MTRFR: variants seen among roughly 807,000 people sequenced by gnomAD.
The protein encoded by MTRFR is probable peptide chain release factor C12orf65, mitochondrial.
In MTRFR, 10 loss-of-function variants were observed where a neutral mutation model predicts 11.9. The ratio of observed to expected loss-of-function variants is 0.84; its 90% CI spans 0.52 to 1.42. MTRFR has a LOEUF of 1.42. MTRFR is among the 40% of genes most tolerant of loss of function. MTRFR has a pLI of 0.00. For synonymous variants in MTRFR, 77 were observed against 79.1 expected, an observed-to-expected ratio of 0.97 and a Z score of 0.14; for missense variants, 196 against 197.9, an observed-to-expected ratio of 0.99 and a Z score of 0.06.
chr12:123,256,554 G>C (rs751778672), intron 2 of MTRFR, among the ~76,000 whole-genome samples: 3 of 152,130 alleles, frequency 2.0e-5, no homozygotes, highest in Non-Finnish European at 4.4e-5. Context: ...AAATTAACTG[G>C]GTATGGTGGC....
At chr12:123,241,622 G>C (rs964396914) in intron 1 of MTRFR, among the ~76,000 whole-genome samples, 1 of 152,030 alleles carries the variant, frequency 6.6e-6, no homozygotes, top group Non-Finnish European at 1.5e-5. Flanking sequence ...TTACAGGCAC[G>C]AACCACCATG....
intron 2 of MTRFR, among the ~76,000 whole-genome samples, chr12:123,255,279 C>A (rs1163631259): frequency 6.6e-6 from 1 of 152,168 alleles, no homozygotes; most frequent in East Asian, 1.9e-4. Context: ...CACTTCACTG[C>A]TGGGTTTCTG....
intron 1 of MTRFR, among the ~76,000 whole-genome samples, chr12:123,234,139 G>A (rs993128551): frequency 6.6e-6 from 1 of 152,006 alleles, no homozygotes; most frequent in Admixed American, 6.6e-5. Flanking sequence ...CCTCCCCGTG[G>A]GACCCCAGCC....
Position 123,243,335 on chromosome 12 carries a change from C to T in MTRFR, c.-29+9804C>T, listed in dbSNP as rs901879927. On this transcript the variant is annotated intron_variant, in intron 1 of 2. Transcript: ENST00000253233. Reference sequence around the variant, plus strand: ...CACGAGGTCAGGAAATCGAGAACAGCCTGGCTAACATGGCAAAACCCCGTC... The same window carrying T: ...CACGAGGTCAGGAAATCGAGAACAGTCTGGCTAACATGGCAAAACCCCGTC... Among the ~76,000 whole-genome samples, 99 of 151,902 alleles carry T rather than the reference C, an allele frequency of 6.5e-4. 1 individual carries two copies. The highest frequency in any genetic ancestry group is 2.3e-3 in the African/African-American group (97 of 41,416).
chr12:123,253,069 AATT>A (rs2048134338), intron 1 of MTRFR, among the ~76,000 whole-genome samples: 2 of 42,812 alleles, frequency 4.7e-5, no homozygotes, highest in Admixed American at 3.5e-4. Flanking sequence ...CGTTCCTTTG[AATT>A]TTTTTTTTTT....
At position 123,243,529 on chromosome 12, in the gene MTRFR, CAAA is replaced by C. The variant is rs55817401; in HGVS notation, c.-29+10014_-29+10016del. ...TGGGCGACAGAGCGAGACTCCGTCT[CAAA>C]AAAAAAAAAAAAAAATACAAAAATT... is the stretch of plus-strand genomic sequence containing the variant. On this transcript the variant is annotated intron_variant, in intron 1 of 2. Coordinates refer to ENST00000253233, the MANE Select transcript of MTRFR (RefSeq NM_152269.5). Among the ~76,000 whole-genome samples the C allele has an allele frequency of 8.1e-3, 953 of 117,748 alleles. 12 individuals are homozygous for C. The highest frequency in any genetic ancestry group is 0.03 in the African/African-American group (859 of 28,238). The allele number at this position is 117,748 out of a possible 152,430, so 77.2% of individuals were successfully genotyped here.
In MTRFR at chr12:123,233,455, C is replaced by T. The variant is rs552684339; in HGVS notation, c.-105C>T. On this transcript the variant is annotated 5_prime_UTR_variant, in exon 1 of 3. Transcript: ENST00000253233. ...TACGGCGCGTGCGCAGATCAGGGATCGCGATTGCGAATCCTCCGCTGAGGT... is the reference window on the plus strand; with the variant it reads ...TACGGCGCGTGCGCAGATCAGGGATTGCGATTGCGAATCCTCCGCTGAGGT... 6.6e-6 allele frequency: 1 copy of T among 152,294 alleles called. No homozygotes were observed. Among genetic ancestry groups the T allele is most frequent in the African/African-American group, 2.4e-5 (1 of 41,466 alleles). 9.4% of individuals were successfully genotyped at this position (152,294 alleles called of 1,614,324 possible). A position where few individuals can be genotyped will look rare whatever the true frequency, so the allele number is the denominator to read the frequency against.
At chr12:123,248,296 A>C (rs2048069396) in intron 1 of MTRFR, 1 of 152,208 alleles carries the variant, frequency 6.6e-6, no homozygotes, top group Admixed American at 6.5e-5. Flanking sequence ...TAGGACCCCA[A>C]TCCCTTCTAG....
chr12:123,253,267 TG>T (rs1452516559), intron 1 of MTRFR: 2 of 279,752 alleles, frequency 7.1e-6, no homozygotes, highest in Non-Finnish European at 1.4e-5. Context: ...CTTGAACTCC[TG>T]ACCTTGTGAT....
intron 2 of MTRFR, among the ~76,000 whole-genome samples, chr12:123,256,203 A>G (rs2138798466): frequency 6.6e-6 from 1 of 152,352 alleles, no homozygotes; most frequent in African/African-American, 2.4e-5. Context: ...ATGCTTATGA[A>G]TGGTGCACAC....
At chr12:123,253,527 C>A (rs1031150196) in intron 1 of MTRFR, 120 bp from the exon 2 acceptor site, 3 of 954,756 alleles carry the variant, frequency 3.1e-6, no homozygotes, top group Non-Finnish European at 4.9e-6. Flanking sequence ...TTCCTAAATT[C>A]CCTCGGTAAC....
At chr12:123,247,999 G>A (rs2138778250) in intron 1 of MTRFR, among the ~76,000 whole-genome samples, 1 of 151,924 alleles carries the variant, frequency 6.6e-6, no homozygotes, top group East Asian at 1.9e-4. Flanking sequence ...GCTCTTTGTT[G>A]CCTGTGTACT....
At chr12:123,248,624 C>G (rs994560008) in intron 1 of MTRFR, 1 of 152,254 alleles carries the variant, frequency 6.6e-6, no homozygotes, top group Non-Finnish European at 1.5e-5. Flanking sequence ...GTGAGTGTTG[C>G]AGCTCTTAAA....
Position 123,257,101 on chromosome 12 carries a change from A to G in MTRFR, c.*70A>G. 1 of 1,162,560 alleles carries G rather than the reference A, an allele frequency of 8.6e-7. No individual in the cohort carries two copies. The highest frequency in any genetic ancestry group is 1.5e-5 in the African/African-American group (1 of 64,796). 72.0% of individuals were successfully genotyped at this position (1,162,560 alleles called of 1,614,324 possible). On this transcript the variant is annotated 3_prime_UTR_variant, in exon 3 of 3. Transcript: ENST00000253233. ...CCAGGGAATAATGGTGGCGAGTTCC[A>G]TCACCAGCATTATTATAGTGCTTCA...
chr12:123,239,074 G>A (rs775281751), intron 1 of MTRFR, among the ~76,000 whole-genome samples: 32 of 152,168 alleles, frequency 2.1e-4, no homozygotes, highest in Non-Finnish European at 4.0e-4. Flanking sequence ...TTCCAGACCA[G>A]CCACAGCAAC....
chr12:123,252,260 C>T (rs1001959246), intron 1 of MTRFR: 1 of 152,052 alleles, frequency 6.6e-6, no homozygotes, highest in African/African-American at 2.4e-5. Flanking sequence ...TATGGCGAAA[C>T]CCCATCTCTA....
rs537693587 is a variant in MTRFR at position 123,257,290 on chromosome 12, G to C, written c.*259G>C. On this transcript the variant is annotated 3_prime_UTR_variant, in exon 3 of 3. Transcript: ENST00000253233. ...AGCACTTTGGGAGGCCGAGGCGGGC[G>C]GATCACTTGAGGTCAGGAGTTTGAG... is the stretch of plus-strand genomic sequence containing the variant. 5.0e-6 allele frequency: 2 copies of C among 398,310 alleles called. No individual in the cohort carries two copies. Among genetic ancestry groups the C allele is most frequent in the African/African-American group, 4.1e-5 (2 of 48,702 alleles). 24.7% of individuals were successfully genotyped at this position (398,310 alleles called of 1,614,324 possible).
intron 1 of MTRFR, among the ~76,000 whole-genome samples, chr12:123,236,369 G>A (rs1173432104): frequency 2.6e-5 from 4 of 152,062 alleles, no homozygotes; most frequent in Non-Finnish European, 1.5e-5. Context: ...TGAGGCAGGA[G>A]GATTGCTTGA....
chr12:123,235,994 G>A (rs1199718383), intron 1 of MTRFR, among the ~76,000 whole-genome samples: 1 of 152,002 alleles, frequency 6.6e-6, no homozygotes, highest in Admixed American at 6.6e-5. Flanking sequence ...AACCCGGGAG[G>A]CAAAGGTTGT....
Sources: gnomAD v4.1 joint callset for allele counts (sites outside exome capture counted in the v4.1 genomes callset) on GRCh38, gnomAD v4.1.1 for gene constraint, MANE v1.5 for transcripts, NCBI Gene and HGNC (gene_info 2026-07-23, HGNC 2026-07-21) for gene names.